Variants in SMAD5 observed in about 807,000 individuals in gnomAD.
The protein encoded by SMAD5 is SMAD family member 5, also known as MAD, mothers against decapentaplegic homolog 5.
Under a neutral mutation model 43.1 loss-of-function variants are expected in SMAD5, and 9 were observed. That is an observed-to-expected ratio of 0.21 (90% confidence interval 0.13 to 0.36). The LOEUF is 0.36. Ranked by LOEUF, SMAD5 falls within the 10% of genes least tolerant of loss-of-function variation. SMAD5 has a pLI of 1.00. For missense variants in SMAD5, 348 were observed against 574.0 expected (o/e 0.61, Z 4.02); for synonymous variants, 190 against 192.4 (o/e 0.99, Z 0.10).
intron 1 of SMAD5, among the ~76,000 whole-genome samples, chr5:136,143,448 G>A (rs1014185299): frequency 4.6e-5 from 7 of 151,836 alleles, no homozygotes; most frequent in African/African-American, 1.5e-4. Flanking sequence ...AACTCTACAC[G>A]GCACATAGAA....
At chr5:136,162,738 A>G (rs1261607893) in intron 4 of SMAD5, among the ~76,000 whole-genome samples, 8 of 152,314 alleles carry the variant, frequency 5.3e-5, no homozygotes, top group African/African-American at 1.9e-4. Context: ...TTACCTAACC[A>G]TTTAATAGGA....
At chr5:136,157,542 C>T (rs1668521938) in intron 3 of SMAD5, among the ~76,000 whole-genome samples, 2 of 152,156 alleles carry the variant, frequency 1.3e-5, no homozygotes, top group Admixed American at 6.5e-5. Flanking sequence ...TGTTTACCTG[C>T]AGCTAGGTTG....
At chr5:136,161,129 AC>A in intron 4 of SMAD5, 22 bp downstream of exon 4, 5 of 1,564,182 alleles carry the variant, frequency 3.2e-6, no homozygotes, top group Admixed American at 1.9e-5. Flanking sequence ...TTTTATTGAT[AC>A]CAAAAAAAAA....
chr5:136,163,255 A>AT lies in SMAD5; in HGVS notation c.656-9dup, dbSNP rs11318760. On this transcript the variant is annotated splice_polypyrimidine_tract_variant and intron_variant, in intron 4 of 7. Transcript: ENST00000545279. ...GAGCAGAATGAAGATTTTAATTATT[A>AT]TTTTTTTTCCTCTTAGCTGATACGC... The AT allele has an allele frequency of 1.1e-5, 18 of 1,582,378 alleles. No homozygotes were observed. Among genetic ancestry groups the AT allele is most frequent in the Admixed American group, 1.9e-5 (1 of 53,694 alleles).
intron 5 of SMAD5, among the ~76,000 whole-genome samples, chr5:136,166,169 T>G (rs1172245830): frequency 1.3e-5 from 2 of 151,022 alleles, no homozygotes; most frequent in Admixed American, 6.6e-5. Flanking sequence ...TTTTTATCTT[T>G]TTTTTTTTTT....
At chr5:136,164,255 G>A (rs1753921115) in intron 5 of SMAD5, among the ~76,000 whole-genome samples, 1 of 152,106 alleles carries the variant, frequency 6.6e-6, no homozygotes, top group South Asian at 2.1e-4. Flanking sequence ...ATTTCTCTTG[G>A]ATAGATATCT....
intron 1 of SMAD5, among the ~76,000 whole-genome samples, chr5:136,144,594 G>T (rs1183661374): frequency 1.3e-5 from 2 of 150,518 alleles, no homozygotes; most frequent in Non-Finnish European, 3.0e-5. Flanking sequence ...AATATGTTTA[G>T]ATATATATAA....
At chr5:136,175,590 GTATTTAAGCAATCTGTACTGTATCTACA>G (rs1323966082) in intron 7 of SMAD5, among the ~76,000 whole-genome samples, 1 of 152,190 alleles carries the variant, frequency 6.6e-6, no homozygotes, top group African/African-American at 2.4e-5. Flanking sequence ...TTTTAGTCAT[GTATTTAAGCAATCTGTACTGTATCTACA>G]TATTTAAGCA....
intron 1 of SMAD5, among the ~76,000 whole-genome samples, chr5:136,137,085 G>A (rs186981982): frequency 6.8e-4 from 102 of 150,082 alleles, no homozygotes; most frequent in African/African-American, 2.3e-3. Flanking sequence ...CTAGTAGAGT[G>A]GTGTTTTCAG....
chr5:136,170,049 G>A (rs1050567130), intron 5 of SMAD5, among the ~76,000 whole-genome samples: 1 of 151,238 alleles, frequency 6.6e-6, no homozygotes, highest in Non-Finnish European at 1.5e-5. Context: ...TCTGTGGCTT[G>A]TCTCCTCATT....
chr5:136,136,749 T>C (rs1456298036), intron 1 of SMAD5, among the ~76,000 whole-genome samples: 1 of 152,088 alleles, frequency 6.6e-6, no homozygotes, highest in Admixed American at 6.5e-5. Context: ...CAGGCTGGGG[T>C]TCAGTGACGC....
Position 136,172,503 on chromosome 5 carries a change from G to A in SMAD5, c.845G>A (p.Arg282His). The change falls in exon 6 of 8, where the codon CGT becomes CAT. Residue 282 changes from arginine to histidine, a missense_variant. This residue lies in a region of SMAD5 where 185 missense variants were observed against 207.0 expected (regional missense o/e 0.89). Coordinates refer to ENST00000545279, the MANE Select transcript of SMAD5 (RefSeq NM_005903.7). ...CSIVYYELNNRVGEAFHASST... is the reference protein window; with the variant it reads ...CSIVYYELNNHVGEAFHASST... ...ATAGTCTACTATGAATTAAACAATC[G>A]TGTTGGAGAAGCTTTTCATGCATCT... 4 of 1,613,140 alleles carry A rather than the reference G, an allele frequency of 2.5e-6. No individual in the cohort carries two copies. Among genetic ancestry groups the A allele is most frequent in the East Asian group, 2.2e-5 (1 of 44,850 alleles).
At position 136,141,125 on chromosome 5, in the gene SMAD5, G is replaced by A. The variant is rs538435659; in HGVS notation, c.-244-6707G>A. Among the ~76,000 whole-genome samples, 8 of 152,124 alleles carry A rather than the reference G, an allele frequency of 5.3e-5. 1 individual carries two copies. The South Asian group carries it at 1.2e-3, about 24-fold the overall frequency. Reference sequence around the variant, plus strand: ...GAGCTAAAGCTGAGACTTAAATAACGATAGAGCTAAAAATTAGTGGCCAGG... The same window carrying A: ...GAGCTAAAGCTGAGACTTAAATAACAATAGAGCTAAAAATTAGTGGCCAGG... On this transcript the variant is annotated intron_variant, in intron 1 of 7. Transcript: ENST00000545279.
At chr5:136,152,190 G>A (rs1753494148) in intron 2 of SMAD5, among the ~76,000 whole-genome samples, 1 of 152,034 alleles carries the variant, frequency 6.6e-6, no homozygotes, top group Non-Finnish European at 1.5e-5. Flanking sequence ...GTAGTTGATC[G>A]GCATCCAGAA....
At chr5:136,163,723 T>C (rs1406157108) in intron 5 of SMAD5, among the ~76,000 whole-genome samples, 1 of 152,228 alleles carries the variant, frequency 6.6e-6, no homozygotes, top group Non-Finnish European at 1.5e-5. Context: ...CATGTAATAA[T>C]GTAGTCTTCT....
At position 136,158,177 on chromosome 5, in the gene SMAD5, C is replaced by G. The variant is rs1421696365; in HGVS notation, c.404-2679C>G. On this transcript the variant is annotated intron_variant, in intron 3 of 7. Transcript: ENST00000545279. ...CAAGAAATAATATCAAACACTTCCCCAAACTGAAAATTGAAAGGGCTCAGT... is the reference window on the plus strand; with the variant it reads ...CAAGAAATAATATCAAACACTTCCCGAAACTGAAAATTGAAAGGGCTCAGT... 2.0e-5 allele frequency among the ~76,000 whole-genome samples: 3 copies of G among 151,934 alleles called. No individual in the cohort carries two copies. In the East Asian group the frequency reaches 5.8e-4, roughly 29 times the overall value.
chr5:136,160,203 C>G (rs1396766526), intron 3 of SMAD5, among the ~76,000 whole-genome samples: 2 of 152,072 alleles, frequency 1.3e-5, no homozygotes, highest in Non-Finnish European at 2.9e-5. Context: ...AGGCTTTTAC[C>G]TAGAGAATAT....
chr5:136,172,684 C>T lies in SMAD5; in HGVS notation c.997+29C>T, dbSNP rs532323743. On this transcript the variant is annotated intron_variant, in intron 6 of 7. Transcript: ENST00000545279. ...ATCTTGTCATTTTCCTACATTTAAT[C>T]GAATTCAATCATTTGTTGTACTTGC... is the stretch of plus-strand genomic sequence containing the variant. The T allele has an allele frequency of 2.2e-5, 31 of 1,396,128 alleles. No homozygotes were observed. The East Asian group carries it at 3.9e-4, about 17-fold the overall frequency. The allele number at this position is 1,396,128 out of a possible 1,614,324, so 86.5% of individuals were successfully genotyped here.
At position 136,154,179 on chromosome 5, in the gene SMAD5, G is replaced by C. The variant is rs763386586; in HGVS notation, c.403+16G>C. 12 of 1,447,720 alleles carry C rather than the reference G, an allele frequency of 8.3e-6. No individual in the cohort carries two copies. The East Asian group carries it at 2.8e-4, about 34-fold the overall frequency. 89.7% of individuals were successfully genotyped at this position (1,447,720 alleles called of 1,614,324 possible). On this transcript the variant is annotated intron_variant, in intron 3 of 7. Transcript: ENST00000545279. ...GAGAGTCCAGGTAGGTCTTATTCCT[G>C]AGAAGAATTTGGAAAAACAAAAACA... is the stretch of plus-strand genomic sequence containing the variant.
Sources: allele counts gnomAD v4.1 joint callset (sites outside exome capture counted in the v4.1 genomes callset), GRCh38; gene constraint gnomAD v4.1.1; regional missense constraint gnomAD v4.1.1; transcripts MANE v1.5; gene names NCBI Gene and HGNC (gene_info 2026-07-23, HGNC 2026-07-21).